APLF: variants seen among roughly 807,000 people sequenced by gnomAD.
APLF encodes the protein aprataxin and PNKP like factor, also known as aprataxin and PNK-like factor.
Under a neutral mutation model 55.6 loss-of-function variants are expected in APLF, and 61 were observed. That is an observed-to-expected ratio of 1.10 (90% CI 0.89 to 1.36). APLF has a LOEUF of 1.36. Ranked by LOEUF, APLF falls within the 40% of genes most tolerant of loss-of-function variation. The pLI is 0.00. For missense variants in APLF, 611 were observed against 602.5 expected, an observed-to-expected ratio of 1.01 and a Z score of -0.15; for synonymous variants, 207 against 214.8, an observed-to-expected ratio of 0.96 and a Z score of 0.32.
At position 68,513,138 on chromosome 2, in the gene APLF, ATTAAT is replaced by A; in HGVS notation, c.404_408del (p.Asn135ThrfsTer3). On this transcript the variant is annotated frameshift_variant, in exon 4 of 10. Coordinates refer to ENST00000303795, the MANE Select transcript of APLF (RefSeq NM_173545.3). LOFTEE classifies it high-confidence loss of function. ...GAATGAAACACCAAAATCCCCCGTGATTAATTTACCTCATGAGACTACTGGTGCCT... is the reference window on the plus strand; with the variant it reads ...GAATGAAACACCAAAATCCCCCGTGATTACCTCATGAGACTACTGGTGCCT... The A allele has an allele frequency of 6.2e-7, 1 of 1,611,532 alleles. No homozygotes were observed. The highest frequency in any genetic ancestry group is 8.5e-7 in the Non-Finnish European group (1 of 1,178,398).
At chr2:68,533,460 A>G (rs1252400659) in intron 6 of APLF, among the ~76,000 whole-genome samples, 1 of 152,164 alleles carries the variant, frequency 6.6e-6, no homozygotes, top group Non-Finnish European at 1.5e-5. Flanking sequence ...AAGCTACTCC[A>G]ACTCTTAGTG....
intron 8 of APLF, among the ~76,000 whole-genome samples, chr2:68,562,493 G>A (rs1671197916): frequency 6.6e-6 from 1 of 152,012 alleles, no homozygotes; most frequent in East Asian, 1.9e-4. Context: ...ATGCATACAT[G>A]TGCAAGTGTG....
rs534447201 is a variant in APLF at position 68,519,085 on chromosome 2, T to G, written c.622+5405T>G. On this transcript the variant is annotated intron_variant, in intron 5 of 9. Transcript: ENST00000303795. The stretch of plus-strand genomic sequence containing the variant: ...TAATATATAATAATAATATAATATA[T>G]AATTAATATATAATAATATAATATA... 6.2e-3 allele frequency among the ~76,000 whole-genome samples: 779 copies of G among 126,334 alleles called. 5 individuals are homozygous for G. The highest frequency in any genetic ancestry group is 0.022 in the African/African-American group (741 of 34,060). 82.9% of individuals were successfully genotyped at this position (126,334 alleles called of 152,430 possible).
intron 5 of APLF, chr2:68,515,826 T>G: frequency 1.4e-6 from 1 of 729,716 alleles, no homozygotes; most frequent in South Asian, 6.3e-5. Flanking sequence ...GTTTAGTACT[T>G]TAGAACAGTT....
chr2:68,479,711 T>C (rs1675890422), intron 1 of APLF, among the ~76,000 whole-genome samples: 1 of 152,234 alleles, frequency 6.6e-6, no homozygotes, highest in Non-Finnish European at 1.5e-5. Flanking sequence ...AAAAACTTTT[T>C]TTTTAAAGAA....
intron 6 of APLF, chr2:68,528,619 A>C: frequency 6.5e-7 from 1 of 1,533,360 alleles, no homozygotes. Context: ...GGTGGTCTTT[A>C]CCCAGCACCT....
intron 8 of APLF, 54 bp from the exon 9 acceptor site, chr2:68,567,287 C>T (rs1358234913): frequency 4.7e-6 from 7 of 1,479,400 alleles, no homozygotes; most frequent in Non-Finnish European, 6.6e-6. Context: ...TGTAAATAGT[C>T]ATCAACTTTT....
chr2:68,497,417 G>C (rs1275364782), intron 2 of APLF, among the ~76,000 whole-genome samples: 3 of 151,938 alleles, frequency 2.0e-5, no homozygotes, highest in African/African-American at 7.2e-5. Flanking sequence ...ACGACATCTG[G>C]TTGTTTAAAA....
At chr2:68,543,547 T>C (rs368615825) in intron 7 of APLF, among the ~76,000 whole-genome samples, 263 of 152,296 alleles carry the variant, frequency 1.7e-3, no homozygotes, top group African/African-American at 6.0e-3. Flanking sequence ...TGGCAATATT[T>C]ATCAAACCTG....
chr2:68,510,296 A>G lies in APLF; in HGVS notation c.342-2784A>G, dbSNP rs374417701. Among the ~76,000 whole-genome samples the G allele has an allele frequency of 2.8e-4, 43 of 152,044 alleles. No homozygotes were observed. The South Asian group carries it at 4.8e-3, about 17-fold the overall frequency. On this transcript the variant is annotated intron_variant, in intron 3 of 9. Coordinates refer to ENST00000303795, the MANE Select transcript of APLF (RefSeq NM_173545.3). ...AAAATATTTGTAAATCACATATAAC[A>G]GACTTATATTCAGAATATCTAAAGA...
At position 68,529,307 on chromosome 2, in the gene APLF, A is replaced by C. The variant is rs982705619; in HGVS notation, c.804+3065A>C. 2.9e-6 allele frequency: 4 copies of C among 1,376,394 alleles called. No individual in the cohort carries two copies. In the African/African-American group the frequency reaches 5.9e-5, roughly 20 times the overall value. 85.3% of individuals were successfully genotyped at this position (1,376,394 alleles called of 1,614,324 possible). ...TCGCTGACGGTTGAAGAGGAGTGGG[A>C]AACAGCCAAAGAGTCCTGGGGCAGG... is the stretch of plus-strand genomic sequence containing the variant. On this transcript the variant is annotated intron_variant, in intron 6 of 9. Transcript: ENST00000303795. This position sits in a 1 kb window ranked among gnomAD's most constrained non-coding sequence, Gnocchi z 4.4.
chr2:68,578,953 A>G lies in APLF; in HGVS notation c.*931A>G. ...TATCTTTCTGTATTTCTGTTCTAAA[A>G]CTACTTTAAGCCCTATAATGCTCTT... On this transcript the variant is annotated 3_prime_UTR_variant, in exon 10 of 10. Coordinates refer to ENST00000303795, the MANE Select transcript of APLF (RefSeq NM_173545.3). 3.0e-6 allele frequency: 3 copies of G among 985,022 alleles called. No individual in the cohort carries two copies. Among genetic ancestry groups the G allele is most frequent in the Non-Finnish European group, 3.6e-6 (3 of 829,604 alleles). 61.0% of individuals were successfully genotyped at this position (985,022 alleles called of 1,614,324 possible).
chr2:68,564,007 A>T (rs147231414), intron 8 of APLF, among the ~76,000 whole-genome samples: 11 of 152,244 alleles, frequency 7.2e-5, no homozygotes, highest in Admixed American at 6.6e-4. Context: ...AATAAAATTT[A>T]CTGAAAATCT....
intron 2 of APLF, among the ~76,000 whole-genome samples, chr2:68,500,976 G>A (rs1434646553): frequency 6.6e-6 from 1 of 152,136 alleles, no homozygotes; most frequent in East Asian, 1.9e-4. Flanking sequence ...TGTTTAAATT[G>A]TAACTTGAAT....
intron 8 of APLF, among the ~76,000 whole-genome samples, chr2:68,562,865 A>G (rs1037671526): frequency 5.3e-5 from 8 of 152,032 alleles, no homozygotes; most frequent in Admixed American, 5.3e-4. Context: ...TATGTAAACC[A>G]AACATATCTA....
intron 6 of APLF, among the ~76,000 whole-genome samples, chr2:68,537,134 C>G (rs1190971116): frequency 6.8e-6 from 1 of 148,038 alleles, no homozygotes; most frequent in Non-Finnish European, 1.5e-5. Flanking sequence ...CACCACACTC[C>G]AGGTTGGGAG....
At chr2:68,536,125 C>G (rs1670377432) in intron 6 of APLF, among the ~76,000 whole-genome samples, 1 of 152,130 alleles carries the variant, frequency 6.6e-6, no homozygotes, top group Non-Finnish European at 1.5e-5. Flanking sequence ...GTTGCTGGTA[C>G]AGACCAGTTG....
In APLF at chr2:68,576,128, A is replaced by G. The variant is rs1177437423; in HGVS notation, c.1334-1692A>G. 2.0e-5 allele frequency among the ~76,000 whole-genome samples: 3 copies of G among 152,120 alleles called. No individual in the cohort carries two copies. In the East Asian group the frequency reaches 5.8e-4, roughly 29 times the overall value. On this transcript the variant is annotated intron_variant, in intron 9 of 9. Transcript: ENST00000303795. Reference sequence around the variant, plus strand: ...TAAGTGATTTCTGAATCTGAAAGGAAACTGTTTATTGAGATATCATTAGGA... The same window carrying G: ...TAAGTGATTTCTGAATCTGAAAGGAGACTGTTTATTGAGATATCATTAGGA...
chr2:68,558,102 AT>A (rs1263775843), intron 8 of APLF, among the ~76,000 whole-genome samples: 1 of 152,232 alleles, frequency 6.6e-6, no homozygotes, highest in East Asian at 1.9e-4. Context: ...CTCCGCTGTA[AT>A]TTTTTTAAAC....
Sources: gnomAD v4.1 joint callset for allele counts (sites outside exome capture counted in the v4.1 genomes callset) on GRCh38, gnomAD v4.1.1 for gene constraint, Gnocchi (gnomAD v3.1) non-coding constraint, MANE v1.5 for transcripts, NCBI Gene and HGNC (gene_info 2026-07-23, HGNC 2026-07-21) for gene names.